Variants in WDTC1 observed in about 807,000 individuals in gnomAD.
The protein encoded by WDTC1 is WD and tetratricopeptide repeats protein 1.
Under a neutral mutation model 76.0 loss-of-function variants are expected in WDTC1, and 12 were observed. The observed-to-expected ratio is 0.16, with a 90% CI of 0.10 to 0.26. WDTC1 has a LOEUF of 0.26. Among genes scored for constraint, WDTC1 ranks in the 10% least tolerant of loss-of-function variants. WDTC1 has a pLI of 1.00. For synonymous variants in WDTC1, 326 were observed against 350.8 expected, an observed-to-expected ratio of 0.93 and a Z score of 0.79; for missense variants, 511 against 908.8, an observed-to-expected ratio of 0.56 and a Z score of 5.63.
At position 27,234,730 on chromosome 1, in the gene WDTC1, T is replaced by G; in HGVS notation, c.-321T>G. 2.5e-6 allele frequency: 1 copy of G among 398,948 alleles called. No homozygotes were observed. The highest frequency in any genetic ancestry group is 4.4e-6 in the Non-Finnish European group (1 of 226,584). 24.7% of individuals were successfully genotyped at this position (398,948 alleles called of 1,614,324 possible). A position where few individuals can be genotyped will look rare whatever the true frequency, so the allele number is the denominator to read the frequency against. ...GAGCGCGCGAGGGAGTGTGAGTGTG[T>G]GTGAGCGCGGGTGTGAGGCGGTGCG... On this transcript the variant is annotated 5_prime_UTR_variant, in exon 1 of 16. Transcript: ENST00000319394.
chr1:27,258,539 AAAG>A (rs2012362249), intron 1 of WDTC1, among the ~76,000 whole-genome samples: 1 of 151,280 alleles, frequency 6.6e-6, no homozygotes, highest in Non-Finnish European at 1.5e-5. Flanking sequence ...CAAAAAAAAA[AAAG>A]AAAAAAAAAG....
At chr1:27,302,462 C>T (rs1357684652) in intron 13 of WDTC1, among the ~76,000 whole-genome samples, 6 of 152,144 alleles carry the variant, frequency 3.9e-5, no homozygotes, top group South Asian at 4.2e-4. Context: ...TGGCCTAGCG[C>T]GGTGGCTCAC....
chr1:27,248,896 A>G lies in WDTC1; in HGVS notation c.-99-12060A>G, dbSNP rs911821483. On this transcript the variant is annotated intron_variant, in intron 1 of 15. Coordinates refer to ENST00000319394, the MANE Select transcript of WDTC1 (RefSeq NM_001276252.2). ...GGTCCCAAACTCCTGGGCTCAAGCAATCTTCCCACATTGGTCTCCCAAAGT... is the reference window on the plus strand; with the variant it reads ...GGTCCCAAACTCCTGGGCTCAAGCAGTCTTCCCACATTGGTCTCCCAAAGT... Among the ~76,000 whole-genome samples, 20 of 152,222 alleles carry G rather than the reference A, an allele frequency of 1.3e-4. 1 individual carries two copies. In the East Asian group the frequency reaches 2.3e-3, roughly 18 times the overall value.
chr1:27,251,562 G>T (rs1025975451), intron 1 of WDTC1, among the ~76,000 whole-genome samples: 1 of 152,094 alleles, frequency 6.6e-6, no homozygotes, highest in African/African-American at 2.4e-5. Flanking sequence ...CCTCATGCCT[G>T]TCATTCCAGC....
chr1:27,257,567 GT>G (rs2012324898), intron 1 of WDTC1, among the ~76,000 whole-genome samples: 1 of 152,142 alleles, frequency 6.6e-6, no homozygotes, highest in South Asian at 2.1e-4. Flanking sequence ...TCAGGCTAGT[GT>G]TTAGCTTACA....
chr1:27,282,966 C>T (rs1447259211), intron 4 of WDTC1, among the ~76,000 whole-genome samples: 2 of 151,610 alleles, frequency 1.3e-5, no homozygotes, highest in African/African-American at 4.8e-5. Flanking sequence ...AGTGAAACCC[C>T]GTCTCTACAA....
Position 27,301,187 on chromosome 1 carries a change from G to C in WDTC1, c.1233-39G>C, listed in dbSNP as rs777149064. 3 of 1,596,858 alleles carry C rather than the reference G, an allele frequency of 1.9e-6. No homozygotes were observed. In the African/African-American group the frequency reaches 4.0e-5, roughly 21 times the overall value. On this transcript the variant is annotated intron_variant, in intron 12 of 15. Transcript: ENST00000319394. This position sits in a 1 kb window ranked among gnomAD's most constrained non-coding sequence, Gnocchi z 5.8. ...TGAATGGGGACCCCTTGCTTGCCAC[G>C]TGGCTCCACCTCCAAGCCGCTCTTC...
chr1:27,257,597 C>T (rs906030257), intron 1 of WDTC1, among the ~76,000 whole-genome samples: 6 of 152,136 alleles, frequency 3.9e-5, no homozygotes, highest in African/African-American at 1.4e-4. Flanking sequence ...TTCAAATTCA[C>T]ATTTTTAATC....
chr1:27,293,905 G>A, intron 7 of WDTC1, 117 bp from the exon 8 acceptor site: 1 of 964,734 alleles, frequency 1.0e-6, no homozygotes, highest in Non-Finnish European at 1.5e-6. Context: ...AGGTAAGGAG[G>A]AAAAATACCT....
intron 1 of WDTC1, among the ~76,000 whole-genome samples, chr1:27,254,551 C>T (rs945254004): frequency 1.3e-5 from 2 of 151,998 alleles, no homozygotes; most frequent in Admixed American, 6.6e-5. Context: ...TGAGCTATCG[C>T]GCCACTGCAC....
chr1:27,300,930 G>A (rs1011215488), intron 12 of WDTC1, among the ~76,000 whole-genome samples: 4 of 152,196 alleles, frequency 2.6e-5, no homozygotes, highest in Admixed American at 1.3e-4. Context: ...GCAGAGCTGC[G>A]GGTGCCTGGG....
intron 3 of WDTC1, 142 bp downstream of exon 3, chr1:27,263,377 A>T: frequency 3.5e-6 from 2 of 572,812 alleles, no homozygotes; most frequent in Non-Finnish European, 5.8e-6. Flanking sequence ...TCAGTAGACA[A>T]CTAAATCTGA....
At chr1:27,250,512 A>T (rs2012012037) in intron 1 of WDTC1, among the ~76,000 whole-genome samples, 1 of 152,224 alleles carries the variant, frequency 6.6e-6, no homozygotes, top group Non-Finnish European at 1.5e-5. Context: ...AGTAGGTGTT[A>T]GCATCCCCAT....
chr1:27,247,187 G>T (rs1330396849), intron 1 of WDTC1, among the ~76,000 whole-genome samples: 1 of 151,784 alleles, frequency 6.6e-6, no homozygotes, highest in Non-Finnish European at 1.5e-5. Context: ...CTCTCGAGTA[G>T]CTGGGATTAC....
intron 3 of WDTC1, among the ~76,000 whole-genome samples, chr1:27,268,346 G>A (rs932428672): frequency 6.6e-6 from 1 of 152,120 alleles, no homozygotes. Flanking sequence ...AGGCCAGAGA[G>A]ATAACAGATT....
chr1:27,234,494 C>T (rs2011441253), upstream of WDTC1: 1 of 331,348 alleles, frequency 3.0e-6, no homozygotes, highest in East Asian at 4.5e-5. Context: ...CGGCAGCAGA[C>T]GTTGACCGGG....
In WDTC1 at chr1:27,301,055, C is replaced by T. The variant is rs2013819703; in HGVS notation, c.1233-171C>T. 6.6e-6 allele frequency among the ~76,000 whole-genome samples: 1 copy of T among 152,194 alleles called. No homozygotes were observed. Among genetic ancestry groups the T allele is most frequent in the Non-Finnish European group, 1.5e-5 (1 of 68,030 alleles). On this transcript the variant is annotated intron_variant, in intron 12 of 15. Coordinates refer to ENST00000319394, the MANE Select transcript of WDTC1 (RefSeq NM_001276252.2). This position sits in a 1 kb window ranked among gnomAD's most constrained non-coding sequence, Gnocchi z 5.8. Reference sequence around the variant, plus strand: ...TTGCTCCTTAACCATACTCTGTCTCCTGATGGGGGAGGCCTGGGCTGAGCC... The same window carrying T: ...TTGCTCCTTAACCATACTCTGTCTCTTGATGGGGGAGGCCTGGGCTGAGCC...
intron 1 of WDTC1, among the ~76,000 whole-genome samples, chr1:27,247,623 C>T (rs1570939130): frequency 1.3e-5 from 2 of 152,024 alleles, no homozygotes; most frequent in Non-Finnish European, 2.9e-5. Context: ...ATAATGGCCT[C>T]CGGCTCCATT....
chr1:27,272,352 C>G (rs541848141), intron 3 of WDTC1, among the ~76,000 whole-genome samples: 37 of 152,162 alleles, frequency 2.4e-4, no homozygotes, highest in Non-Finnish European at 4.7e-4. Flanking sequence ...CTCCCAAGTA[C>G]TCCCACAGTG....
Sources: gnomAD v4.1 joint callset for allele counts (sites outside exome capture counted in the v4.1 genomes callset) on GRCh38, gnomAD v4.1.1 for gene constraint, Gnocchi (gnomAD v3.1) non-coding constraint, MANE v1.5 for transcripts, NCBI Gene and HGNC (gene_info 2026-07-23, HGNC 2026-07-21) for gene names.